Variants in ZNF292 observed in about 807,000 individuals in gnomAD.
ZNF292 encodes the protein zinc finger protein 292.
In ZNF292, 26 loss-of-function variants were observed where a neutral mutation model predicts 217.9. That is an observed-to-expected ratio of 0.12 (90% CI 0.09 to 0.17). The LOEUF is 0.17. Among genes scored for constraint, ZNF292 ranks in the 10% least tolerant of loss-of-function variants. ZNF292 has a pLI of 1.00. For missense variants in ZNF292, 2,904 were observed against 3,175.2 expected (o/e 0.91, Z 2.05); for synonymous variants, 1,257 against 1,124.1 (o/e 1.12, Z -2.37).
At chr6:87,175,528 A>T (rs1582382167) in intron 1 of ZNF292, among the ~76,000 whole-genome samples, 1 of 152,084 alleles carries the variant, frequency 6.6e-6, no homozygotes, top group Admixed American at 6.6e-5. Flanking sequence ...TTGTAGAGAC[A>T]GTGTCTCACT....
intron 1 of ZNF292, among the ~76,000 whole-genome samples, chr6:87,185,897 C>T (rs1398207433): frequency 6.6e-6 from 1 of 152,168 alleles, no homozygotes; most frequent in Non-Finnish European, 1.5e-5. Flanking sequence ...CAGGGACCTT[C>T]CACGCCCTGC....
intron 5 of ZNF292, among the ~76,000 whole-genome samples, chr6:87,239,423 T>A (rs796177754): frequency 2.8e-5 from 3 of 108,500 alleles, no homozygotes; most frequent in Non-Finnish European, 5.9e-5. Context: ...CCAGACGGGG[T>A]GGCTGGCCGG....
At chr6:87,211,464 A>G (rs1772483192) in intron 1 of ZNF292, among the ~76,000 whole-genome samples, 1 of 152,266 alleles carries the variant, frequency 6.6e-6, no homozygotes, top group Non-Finnish European at 1.5e-5. Flanking sequence ...GTAGTTAAGA[A>G]TGAACACTCT....
intron 7 of ZNF292, among the ~76,000 whole-genome samples, chr6:87,253,415 G>A (rs1775039441): frequency 6.6e-6 from 1 of 151,668 alleles, no homozygotes; most frequent in Admixed American, 6.6e-5. Context: ...TTTTTATAGA[G>A]ATGGGGGTTT....
intron 7 of ZNF292, chr6:87,249,416 C>T: frequency 3.0e-6 from 1 of 328,102 alleles, no homozygotes; most frequent in Admixed American, 3.5e-5. Context: ...GTATGAGCCA[C>T]CACACATGAC....
At chr6:87,207,105 G>A (rs1042353805) in intron 1 of ZNF292, among the ~76,000 whole-genome samples, 3 of 152,112 alleles carry the variant, frequency 2.0e-5, no homozygotes, top group Non-Finnish European at 4.4e-5. Context: ...ATTTGCGTGC[G>A]CATGTGCATT....
rs1217163025 is a variant in ZNF292 at position 87,256,190 on chromosome 6, C to T, written c.2561C>T (p.Pro854Leu). The change falls in exon 8 of 8, where the codon CCT (proline) becomes CTT (leucine). Residue 854 changes from proline (P) to leucine (L), a missense_variant. Around this residue, in one of 15 missense-constraint regions of ZNF292, gnomAD observed 687 missense variants for 623.0 expected, o/e 1.10. Coordinates refer to ENST00000369577, the MANE Select transcript of ZNF292 (RefSeq NM_015021.3). The stretch of plus-strand genomic sequence containing the variant: ...AATTCATCTGGAGATTCCATTCAGC[C>T]TTCTGAAGTGAATCAGAACACAGCA... ...QLNSSGDSIQ[P>L]SEVNQNTAEN... 3 of 1,613,786 alleles carry T rather than the reference C, an allele frequency of 1.9e-6. No homozygotes were observed. Among genetic ancestry groups the T allele is most frequent in the Admixed American group, 1.7e-5 (1 of 59,956 alleles).
chr6:87,160,595 G>A (rs1403176607), intron 1 of ZNF292, among the ~76,000 whole-genome samples: 1 of 151,438 alleles, frequency 6.6e-6, no homozygotes, highest in Non-Finnish European at 1.5e-5. Context: ...ATGTTTGTGT[G>A]TATATATACA....
intron 1 of ZNF292, chr6:87,173,252 A>G (rs1771166564): frequency 6.6e-6 from 1 of 152,192 alleles, no homozygotes; most frequent in Non-Finnish European, 1.5e-5. Context: ...TGTTTTGTAA[A>G]CTGCTGATGT....
intron 4 of ZNF292, among the ~76,000 whole-genome samples, chr6:87,228,771 A>C (rs544921329): frequency 6.6e-6 from 1 of 152,056 alleles, no homozygotes; most frequent in African/African-American, 2.4e-5. Flanking sequence ...ACTCTTTTCT[A>C]TTGCATTGGT....
Position 87,261,468 on chromosome 6 carries a change from C to A in ZNF292, c.7839C>A (p.Asp2613Glu). 6.2e-7 allele frequency: 1 copy of A among 1,604,636 alleles called. No homozygotes were observed. The highest frequency in any genetic ancestry group is 8.5e-7 in the Non-Finnish European group (1 of 1,175,002). The change falls in exon 8 of 8, where the codon GAC (aspartate) becomes GAA (glutamate). Residue 2613 changes from aspartate (D) to glutamate (E), a missense_variant. Physicochemically the swap from Asp to Glu is conservative, Grantham distance 45 (BLOSUM62 2). Transcript: ENST00000369577. ...AGCAGAAGAAAAATACTGACAAAGA[C>A]CATCCGAATACTGGAAACAAAAAAG... ...AVKQKKNTDK[D>E]HPNTGNKKGS... is the part of the protein sequence containing the mutation.
At chr6:87,240,327 C>A (rs113930363) in intron 5 of ZNF292, among the ~76,000 whole-genome samples, 1,624 of 130,014 alleles carry the variant, frequency 0.012, 31 homozygotes, top group African/African-American at 0.044. Flanking sequence ...AGCTCGGCAT[C>A]AGAGGGAGAC....
chr6:87,255,165 TG>T lies in ZNF292; in HGVS notation c.1537del (p.Asp513MetfsTer9). The T allele has an allele frequency of 6.2e-7, 1 of 1,613,678 alleles. No individual in the cohort carries two copies. Among genetic ancestry groups the T allele is most frequent in the Non-Finnish European group, 8.5e-7 (1 of 1,179,798 alleles). On this transcript the variant is annotated frameshift_variant, in exon 8 of 8. Coordinates refer to ENST00000369577, the MANE Select transcript of ZNF292 (RefSeq NM_015021.3). LOFTEE classifies it high-confidence loss of function. ...ATTCTGGCCTTCTTAAAGACATTGG[TG>T]ATGAAAAGCAGAAGAAGAGAGAGAT... ...ANSGLLKDIG[D>X]EKQKKREIKQ... is the part of the protein sequence containing the mutation.
At chr6:87,244,508 A>G (rs1299149173) in intron 6 of ZNF292, among the ~76,000 whole-genome samples, 1 of 152,226 alleles carries the variant, frequency 6.6e-6, no homozygotes, top group Admixed American at 6.5e-5. Context: ...AAAGCAGTCC[A>G]TTATAAGCTC....
chr6:87,237,658 T>C (rs1322089062), intron 5 of ZNF292, among the ~76,000 whole-genome samples: 2 of 152,268 alleles, frequency 1.3e-5, no homozygotes, highest in Admixed American at 1.3e-4. Context: ...AAGAGCCATT[T>C]TAAAACATAC....
At chr6:87,214,409 A>G (rs571385282) in intron 1 of ZNF292, among the ~76,000 whole-genome samples, 8 of 152,198 alleles carry the variant, frequency 5.3e-5, no homozygotes, top group Admixed American at 1.3e-4. Context: ...CGTAGAATCT[A>G]TTTTGTACCA....
rs34378513 is a variant in ZNF292, at chr6:87,228,944, C to CA, written c.539-4372dup. Among the ~76,000 whole-genome samples, 477 of 149,652 alleles carry CA rather than the reference C, an allele frequency of 3.2e-3. 5 individuals are homozygous for CA. Among genetic ancestry groups the CA allele is most frequent in the South Asian group, 0.013 (63 of 4,722 alleles). On this transcript the variant is annotated intron_variant, in intron 4 of 7. Transcript: ENST00000369577. ...TTTAGGATGCATTTTTCTATTTCTG[C>CA]AAAAAAAAATGCCATTGAGATTTTC...
chr6:87,245,493 T>G lies in ZNF292; in HGVS notation c.879-10T>G. On this transcript the variant is annotated splice_polypyrimidine_tract_variant and intron_variant, in intron 6 of 7. Transcript: ENST00000369577. ...TCCAACTTTTCTTATTATAACTTTTTTTTTTTAAGGGAACTTACTCTCTTT... is the reference window on the plus strand; with the variant it reads ...TCCAACTTTTCTTATTATAACTTTTGTTTTTTAAGGGAACTTACTCTCTTT... 6.7e-7 allele frequency: 1 copy of G among 1,492,080 alleles called. No homozygotes were observed. The highest frequency in any genetic ancestry group is 2.0e-4 in the Middle Eastern group (1 of 5,078). 92.4% of individuals were successfully genotyped at this position (1,492,080 alleles called of 1,614,324 possible).
intron 4 of ZNF292, among the ~76,000 whole-genome samples, 184 bp downstream of exon 4, chr6:87,218,915 T>C (rs569202827): frequency 7.9e-5 from 12 of 152,208 alleles, no homozygotes; most frequent in Non-Finnish European, 1.6e-4. Context: ...TTTATACGAT[T>C]ATAGAATCAT....
Sources: allele counts gnomAD v4.1 joint callset (sites outside exome capture counted in the v4.1 genomes callset), GRCh38; gene constraint gnomAD v4.1.1; regional missense constraint gnomAD v4.1.1; transcripts MANE v1.5; gene names NCBI Gene and HGNC (gene_info 2026-07-23, HGNC 2026-07-21).